ALMS1: variants seen among roughly 807,000 people sequenced by gnomAD.
ALMS1 encodes centrosome-associated protein ALMS1.
ALMS1 carries 271 observed loss-of-function variants against 352.2 expected under a neutral mutation model. That is an observed-to-expected ratio of 0.77 (90% CI 0.70 to 0.85). ALMS1 has a LOEUF of 0.85. Among genes scored for constraint, ALMS1 ranks in the 40% least tolerant of loss-of-function variants. The pLI is 0.00. For missense variants in ALMS1, 5,445 were observed against 4,870.7 expected (o/e 1.12, Z -3.51); for synonymous variants, 1,865 against 1,761.2 (o/e 1.06, Z -1.48).
In ALMS1 at chr2:73,461,963, C is replaced by A. The variant is rs1378296385; in HGVS notation, c.7674+6668C>A. On this transcript the variant is annotated intron_variant, in intron 9 of 22. Coordinates refer to ENST00000613296, the MANE Select transcript of ALMS1 (RefSeq NM_001378454.1). Reference sequence around the variant, plus strand: ...AGAAATATGGGACTATGTGAAAAGACCAAATCTACGTCTGATTGGTGTACC... The same window carrying A: ...AGAAATATGGGACTATGTGAAAAGAACAAATCTACGTCTGATTGGTGTACC... Among the ~76,000 whole-genome samples the A allele has an allele frequency of 2.2e-3, 327 of 151,914 alleles. 4 individuals are homozygous for A. The highest frequency in any genetic ancestry group is 7.3e-3 in the African/African-American group (300 of 41,280).
intron 2 of ALMS1, among the ~76,000 whole-genome samples, chr2:73,409,444 T>G (rs1228626636): frequency 6.6e-6 from 1 of 152,164 alleles, no homozygotes; most frequent in Non-Finnish European, 1.5e-5. Flanking sequence ...ACAAGTATTC[T>G]TAAGAGCTTT....
chr2:73,553,802 G>C (rs1035117450), intron 13 of ALMS1, among the ~76,000 whole-genome samples: 1 of 152,106 alleles, frequency 6.6e-6, no homozygotes, highest in Non-Finnish European at 1.5e-5. Context: ...GGGTAGGAGG[G>C]TTTTATAATG....
At chr2:73,542,193 G>C (rs996344699) in intron 12 of ALMS1, among the ~76,000 whole-genome samples, 1 of 152,124 alleles carries the variant, frequency 6.6e-6, no homozygotes, top group South Asian at 2.1e-4. Context: ...CTTCATCCCT[G>C]GGATGCAAGG....
At chr2:73,606,483 A>G (rs1553422461) in intron 21 of ALMS1, among the ~76,000 whole-genome samples, 1 of 152,234 alleles carries the variant, frequency 6.6e-6, no homozygotes, top group Non-Finnish European at 1.5e-5. Context: ...CTACAGGAAG[A>G]CAGCCAGGAC....
At chr2:73,478,751 A>G (rs1672633258) in intron 9 of ALMS1, among the ~76,000 whole-genome samples, 1 of 151,986 alleles carries the variant, frequency 6.6e-6, no homozygotes, top group African/African-American at 2.4e-5. Context: ...TACATGTGCC[A>G]TGGTGGTTTG....
chr2:73,397,113 C>T (rs751641144), intron 1 of ALMS1, among the ~76,000 whole-genome samples: 1 of 152,192 alleles, frequency 6.6e-6, no homozygotes, highest in Non-Finnish European at 1.5e-5. Flanking sequence ...ATAAAACTTA[C>T]AGAAGCATGG....
intron 9 of ALMS1, among the ~76,000 whole-genome samples, chr2:73,487,428 C>T (rs947725832): frequency 5.3e-5 from 8 of 152,120 alleles, no homozygotes; most frequent in Non-Finnish European, 7.4e-5. Context: ...TGGGCACCCA[C>T]ATCTGGGTGA....
At chr2:73,524,473 T>G (rs908867842) in intron 11 of ALMS1, among the ~76,000 whole-genome samples, 1 of 152,138 alleles carries the variant, frequency 6.6e-6, no homozygotes, top group African/African-American at 2.4e-5. Context: ...TTATTTTTTT[T>G]GAGATGGAGT....
chr2:73,456,678 T>C (rs924574484), intron 9 of ALMS1: 5 of 152,184 alleles, frequency 3.3e-5, no homozygotes, highest in Non-Finnish European at 5.9e-5. Flanking sequence ...TTGGAAAAGT[T>C]TGAAAAGTAC....
intron 13 of ALMS1, among the ~76,000 whole-genome samples, chr2:73,551,628 G>A (rs1674436992): frequency 6.6e-6 from 1 of 151,638 alleles, no homozygotes; most frequent in South Asian, 2.1e-4. Flanking sequence ...TAGAGGTGGG[G>A]TTTCACCATG....
intron 10 of ALMS1, among the ~76,000 whole-genome samples, chr2:73,516,344 G>C (rs541610170): frequency 6.6e-6 from 1 of 152,008 alleles, no homozygotes; most frequent in South Asian, 2.1e-4. Context: ...GTACACTGTT[G>C]GTGGGAACAT....
At chr2:73,604,903 G>A (rs1269623507) in intron 21 of ALMS1, among the ~76,000 whole-genome samples, 1 of 152,198 alleles carries the variant, frequency 6.6e-6, no homozygotes, top group Admixed American at 6.5e-5. Flanking sequence ...AGTAGGCATT[G>A]TATCCTGCAC....
At chr2:73,534,559 C>G (rs879794513) in intron 11 of ALMS1, among the ~76,000 whole-genome samples, 20 of 152,220 alleles carry the variant, frequency 1.3e-4, no homozygotes, top group Non-Finnish European at 1.9e-4. Context: ...TCTTAATTAC[C>G]TTCAGCATTT....
At chr2:73,550,792 A>G (rs1325273891) in intron 13 of ALMS1, among the ~76,000 whole-genome samples, 2 of 152,160 alleles carry the variant, frequency 1.3e-5, no homozygotes, top group Non-Finnish European at 2.9e-5. Flanking sequence ...TTACAAAGTA[A>G]TGTCTTATAG....
At chr2:73,564,201 C>T (rs752944721) in intron 15 of ALMS1, among the ~76,000 whole-genome samples, 12 of 151,952 alleles carry the variant, frequency 7.9e-5, no homozygotes, top group Non-Finnish European at 1.5e-4. Flanking sequence ...CACAGTGGCT[C>T]ATGTCTATAA....
rs2103784764 is a variant in ALMS1 at position 73,451,518 on chromosome 2, G to C, written c.4991G>C (p.Ser1664Thr). ...KTETLPVHST[S>T]YSNRGKPVIF... Reference sequence around the variant, plus strand: ...GAGACATTACCAGTACATTCTACTAGCTACTCAAATAGGGGGAAGCCTGTC... The same window carrying C: ...GAGACATTACCAGTACATTCTACTACCTACTCAAATAGGGGGAAGCCTGTC... Residue 1664 changes from serine to threonine, a missense_variant, in exon 8 of 23, where the codon AGC becomes ACC. Coordinates refer to ENST00000613296, the MANE Select transcript of ALMS1 (RefSeq NM_001378454.1). 2 of 1,612,954 alleles carry C rather than the reference G, an allele frequency of 1.2e-6. No individual in the cohort carries two copies. Among genetic ancestry groups the C allele is most frequent in the Non-Finnish European group, 1.7e-6 (2 of 1,179,666 alleles).
At chr2:73,557,817 T>G (rs988746420) in intron 14 of ALMS1, among the ~76,000 whole-genome samples, 2 of 152,226 alleles carry the variant, frequency 1.3e-5, no homozygotes, top group African/African-American at 4.8e-5. Context: ...TAGGATTAGT[T>G]TTGACTCAGA....
At chr2:73,533,556 C>G (rs1436341208) in intron 11 of ALMS1, among the ~76,000 whole-genome samples, 1 of 152,116 alleles carries the variant, frequency 6.6e-6, no homozygotes, top group Non-Finnish European at 1.5e-5. Flanking sequence ...CATTCTTGCA[C>G]TCTTCCCATG....
At chr2:73,446,946 C>G in intron 7 of ALMS1, among the ~76,000 whole-genome samples, 1 of 152,130 alleles carries the variant, frequency 6.6e-6, no homozygotes, top group East Asian at 1.9e-4. Flanking sequence ...ATAATACTTG[C>G]TCTATATATC....
Sources: gnomAD v4.1 joint callset for allele counts (sites outside exome capture counted in the v4.1 genomes callset) on GRCh38, gnomAD v4.1.1 for gene constraint, MANE v1.5 for transcripts, NCBI Gene and HGNC (gene_info 2026-07-23, HGNC 2026-07-21) for gene names.